CSMD3: variants seen among roughly 807,000 people sequenced by gnomAD.
The protein encoded by CSMD3 is CUB and Sushi multiple domains 3, also known as CUB and sushi domain-containing protein 3.
A neutral mutation model predicts 435.2 loss-of-function variants in CSMD3; 177 were observed. That is an observed-to-expected ratio of 0.41 (90% CI 0.36 to 0.46). The LOEUF (loss-of-function observed/expected upper bound fraction) is 0.46, where lower values mean the gene tolerates loss of function less well. Ranked by LOEUF, CSMD3 falls within the 20% of genes least tolerant of loss-of-function variation. The probability of loss-of-function intolerance (pLI) is 0.34; values close to 1 mark genes in which losing one functional copy is unlikely to be tolerated. For missense variants in CSMD3, 4,265 were observed against 4,504.6 expected (o/e 0.95, Z 1.52); for synonymous variants, 1,656 against 1,520.5 (o/e 1.09, Z -2.07).
At chr8:112,680,200 C>CA (rs1399113493) in intron 16 of CSMD3, among the ~76,000 whole-genome samples, 1 of 151,642 alleles carries the variant, frequency 6.6e-6, no homozygotes, top group Non-Finnish European at 1.5e-5. Context: ...ACTAAGAATA[C>CA]AAAAAAAATT....
intron 3 of CSMD3, among the ~76,000 whole-genome samples, chr8:113,180,942 T>C (rs2092413970): frequency 6.6e-6 from 1 of 152,058 alleles, no homozygotes; most frequent in African/African-American, 2.4e-5. Flanking sequence ...AGGCCGCATT[T>C]GCCGTTTTGG....
At chr8:112,691,361 A>G (rs2076133910) in intron 13 of CSMD3, among the ~76,000 whole-genome samples, 1 of 152,120 alleles carries the variant, frequency 6.6e-6, no homozygotes, top group Non-Finnish European at 1.5e-5. Context: ...GGAAGATGTT[A>G]GTAATTTTCC....
At chr8:112,559,282 A>G (rs544122169) in intron 24 of CSMD3, among the ~76,000 whole-genome samples, 2 of 152,018 alleles carry the variant, frequency 1.3e-5, no homozygotes, top group East Asian at 3.9e-4. Context: ...GATATGGGAG[A>G]TTAATATGTC....
chr8:113,034,146 A>T (rs1208128676), intron 5 of CSMD3, among the ~76,000 whole-genome samples: 1 of 151,624 alleles, frequency 6.6e-6, no homozygotes, highest in Non-Finnish European at 1.5e-5. Context: ...GAGTGTGAGA[A>T]CAGACTAATA....
At chr8:112,447,371 A>G (rs1815723124) in intron 32 of CSMD3, among the ~76,000 whole-genome samples, 1 of 152,172 alleles carries the variant, frequency 6.6e-6, no homozygotes, top group South Asian at 2.1e-4. Flanking sequence ...ATTTTGCTTT[A>G]TCTATGACCA....
intron 27 of CSMD3, among the ~76,000 whole-genome samples, chr8:112,521,964 T>C (rs1200758769): frequency 6.6e-6 from 1 of 151,764 alleles, no homozygotes; most frequent in African/African-American, 2.4e-5. Flanking sequence ...AAGGTAAAAA[T>C]CGTTGACATA....
At chr8:112,775,180 T>C (rs2078215130) in intron 13 of CSMD3, among the ~76,000 whole-genome samples, 1 of 151,664 alleles carries the variant, frequency 6.6e-6, no homozygotes, top group African/African-American at 2.4e-5. Context: ...AATATAATAT[T>C]ATTATATGAT....
chr8:113,388,180 A>G (rs2133137069), intron 1 of CSMD3, among the ~76,000 whole-genome samples: 1 of 151,816 alleles, frequency 6.6e-6, no homozygotes, highest in Middle Eastern at 3.4e-3. Flanking sequence ...TTCATAGCGG[A>G]CATCCCATAA....
At chr8:113,376,088 T>C (rs573680534) in intron 1 of CSMD3, among the ~76,000 whole-genome samples, 7 of 152,168 alleles carry the variant, frequency 4.6e-5, no homozygotes, top group Admixed American at 1.3e-4. Flanking sequence ...TCAAGCTCAT[T>C]GTTTTAATGA....
At chr8:112,760,921 A>C (rs1310460495) in intron 13 of CSMD3, among the ~76,000 whole-genome samples, 9 of 152,136 alleles carry the variant, frequency 5.9e-5, no homozygotes, top group Admixed American at 5.2e-4. Context: ...AGTCATAGTA[A>C]AGGACAAGAT....
chr8:113,059,469 T>C (rs2088504244), intron 5 of CSMD3, among the ~76,000 whole-genome samples: 1 of 152,170 alleles, frequency 6.6e-6, no homozygotes, highest in Non-Finnish European at 1.5e-5. Context: ...TGTTCTGCAT[T>C]TGATGCAGAA....
At chr8:112,400,250 A>G (rs1408766929) in intron 35 of CSMD3, among the ~76,000 whole-genome samples, 1 of 152,158 alleles carries the variant, frequency 6.6e-6, no homozygotes, top group Admixed American at 6.6e-5. Context: ...TTCTTGGTTC[A>G]TAGACAGCTA....
At chr8:112,868,659 A>G (rs1012099799) in intron 10 of CSMD3, among the ~76,000 whole-genome samples, 3 of 152,188 alleles carry the variant, frequency 2.0e-5, no homozygotes, top group Non-Finnish European at 4.4e-5. Flanking sequence ...TGGCATAAAA[A>G]CAGACAGATA....
At chr8:112,934,682 C>A (rs1351250225) in intron 9 of CSMD3, among the ~76,000 whole-genome samples, 1 of 152,026 alleles carries the variant, frequency 6.6e-6, no homozygotes, top group East Asian at 1.9e-4. Context: ...AGTTGCTTAG[C>A]CACAGCTACT....
At chr8:112,606,560 A>G (rs1056313365) in intron 22 of CSMD3, among the ~76,000 whole-genome samples, 7 of 152,174 alleles carry the variant, frequency 4.6e-5, no homozygotes, top group Admixed American at 2.6e-4. Flanking sequence ...TAACAGATAG[A>G]GCATTTCACC....
At chr8:113,282,746 T>C (rs555560609) in intron 2 of CSMD3, among the ~76,000 whole-genome samples, 21 of 152,050 alleles carry the variant, frequency 1.4e-4, no homozygotes, top group African/African-American at 3.9e-4. Context: ...CTAAAATTCA[T>C]ATGGAACCAA....
chr8:112,694,263 A>C (rs2076204249), intron 13 of CSMD3, among the ~76,000 whole-genome samples: 1 of 152,120 alleles, frequency 6.6e-6, no homozygotes, highest in African/African-American at 2.4e-5. Context: ...TGTTATGCCT[A>C]TGATGAAAAG....
At chr8:112,898,302 T>C (rs2082008693) in intron 10 of CSMD3, among the ~76,000 whole-genome samples, 1 of 151,152 alleles carries the variant, frequency 6.6e-6, no homozygotes, top group Admixed American at 6.6e-5. Flanking sequence ...GTAATATAAT[T>C]ATGCTTAGCT....
intron 9 of CSMD3, among the ~76,000 whole-genome samples, chr8:112,923,456 G>T (rs1169089313): frequency 6.6e-6 from 1 of 152,062 alleles, no homozygotes; most frequent in Non-Finnish European, 1.5e-5. Flanking sequence ...GCTCTGGCTT[G>T]AAGATATTAA....
Sources: gnomAD v4.1 joint callset for allele counts (sites outside exome capture counted in the v4.1 genomes callset) on GRCh38, gnomAD v4.1.1 for gene constraint, MANE v1.5 for transcripts, NCBI Gene and HGNC (gene_info 2026-07-23, HGNC 2026-07-21) for gene names.